BMP6: variants seen among roughly 807,000 people sequenced by gnomAD.
BMP6 encodes VG-1-R.
A neutral mutation model predicts 54.1 loss-of-function variants in BMP6; 17 were observed. That is an observed-to-expected ratio of 0.31 (90% CI 0.22 to 0.47). BMP6 has a LOEUF of 0.47. BMP6 is among the 20% of genes least tolerant of loss of function. BMP6 has a pLI of 1.00. For synonymous variants in BMP6, 328 were observed against 291.2 expected, an observed-to-expected ratio of 1.13 and a Z score of -1.28; for missense variants, 720 against 690.4, an observed-to-expected ratio of 1.04 and a Z score of -0.48.
intron 4 of BMP6, among the ~76,000 whole-genome samples, chr6:7,872,814 C>CTTTTT (rs55666956): frequency 7.5e-6 from 1 of 133,838 alleles, no homozygotes. Flanking sequence ...CTTTTTTTTT[C>CTTTTT]TTTTTTTTTT....
chr6:7,870,957 TC>T (rs1759515138), intron 4 of BMP6, among the ~76,000 whole-genome samples: 1 of 152,180 alleles, frequency 6.6e-6, no homozygotes, highest in African/African-American at 2.4e-5. Flanking sequence ...TTCATCTCCA[TC>T]CCCGAAGGGA....
At position 7,845,192 on chromosome 6, in the gene BMP6, G is replaced by A. The variant is rs753717170; in HGVS notation, c.717G>A (p.Lys239=). 1.5e-5 allele frequency: 25 copies of A among 1,614,090 alleles called. No individual in the cohort carries two copies. The highest frequency in any genetic ancestry group is 1.9e-5 in the Non-Finnish European group (22 of 1,180,028). ...GTCAGCGACACCACAAAGAGTTCAA[G>A]TTCAACTTATCCCAGATTCCTGAGG... The part of the protein sequence containing the change: ...SPRQRHHKEF[K]FNLSQIPEGE... The change falls in exon 2 of 7, where the codon AAG becomes AAA. Residue 239 remains lysine, a synonymous_variant. Coordinates refer to ENST00000283147, the MANE Select transcript of BMP6 (RefSeq NM_001718.6).
intron 1 of BMP6, among the ~76,000 whole-genome samples, chr6:7,844,301 A>G (rs1759023068): frequency 6.6e-6 from 1 of 151,222 alleles, no homozygotes; most frequent in South Asian, 2.1e-4. Flanking sequence ...CAATAGGTTG[A>G]TTCCATATTA....
At chr6:7,793,626 CAG>C (rs1020129100) in intron 1 of BMP6, among the ~76,000 whole-genome samples, 8 of 152,228 alleles carry the variant, frequency 5.3e-5, no homozygotes, top group South Asian at 2.1e-4. Flanking sequence ...GGGAGGCAGA[CAG>C]GGGGCATATG....
At chr6:7,743,581 C>G (rs957888502) in intron 1 of BMP6, among the ~76,000 whole-genome samples, 1 of 152,200 alleles carries the variant, frequency 6.6e-6, no homozygotes, top group African/African-American at 2.4e-5. Flanking sequence ...TGCATGCTCT[C>G]CCTCCCTCTC....
At chr6:7,767,541 A>G (rs1048730757) in intron 1 of BMP6, among the ~76,000 whole-genome samples, 1 of 152,200 alleles carries the variant, frequency 6.6e-6, no homozygotes, top group Non-Finnish European at 1.5e-5. Context: ...CGAGCTTCTC[A>G]GGAAACCTAG....
intron 1 of BMP6, among the ~76,000 whole-genome samples, chr6:7,752,123 C>T (rs1045745657): frequency 1.3e-5 from 2 of 152,212 alleles, no homozygotes; most frequent in African/African-American, 2.4e-5. Context: ...GGAGTTGGAA[C>T]ATTTTTCTTA....
In BMP6 at chr6:7,727,386, C is replaced by T. The variant is rs767205863; in HGVS notation, c.431C>T (p.Ser144Phe). 17 of 1,608,260 alleles carry T rather than the reference C, an allele frequency of 1.1e-5. No homozygotes were observed. The highest frequency in any genetic ancestry group is 2.2e-5 in the South Asian group (2 of 90,532). Residue 144 changes from serine (S) to phenylalanine (F), a missense_variant, in exon 1 of 7, where the codon TCC (serine) becomes TTC (phenylalanine). By Grantham distance (155) the Ser-to-Phe change is radical. This residue lies in a region of BMP6 where 650 missense variants were observed against 556.3 expected (regional missense o/e 1.17). Transcript: ENST00000283147. ...LFMLDLYNALSADNDEDGASE... is the reference protein window; with the variant it reads ...LFMLDLYNALFADNDEDGASE... Reference sequence around the variant, plus strand: ...ATGCTGGATCTGTACAACGCCCTGTCCGCCGACAACGACGAGGACGGGGCG... The same window carrying T: ...ATGCTGGATCTGTACAACGCCCTGTTCGCCGACAACGACGAGGACGGGGCG...
intron 1 of BMP6, among the ~76,000 whole-genome samples, chr6:7,823,216 C>T (rs1266057669): frequency 1.3e-5 from 2 of 152,148 alleles, no homozygotes; most frequent in African/African-American, 2.4e-5. Context: ...GTGGACTCTG[C>T]TTTGTTCCAA....
intron 3 of BMP6, 152 bp downstream of exon 3, chr6:7,861,751 C>T: frequency 8.3e-7 from 1 of 1,201,164 alleles, no homozygotes; most frequent in South Asian, 1.5e-5. Context: ...GCATTGAGAA[C>T]CAAAACCTTT....
Position 7,727,096 on chromosome 6 carries a change from C to T in BMP6, c.141C>T (p.Gly47=), listed in dbSNP as rs1214830452. 1 of 1,363,570 alleles carries T rather than the reference C, an allele frequency of 7.3e-7. No homozygotes were observed. Among genetic ancestry groups the T allele is most frequent in the East Asian group, 3.1e-5 (1 of 32,410 alleles). The allele number at this position is 1,363,570 out of a possible 1,614,324, so 84.5% of individuals were successfully genotyped here. A position where few individuals can be genotyped will look rare whatever the true frequency, so the allele number is the denominator to read the frequency against. The change falls in exon 1 of 7, where the codon GGC becomes GGT. Residue 47 remains glycine (G), a synonymous_variant. Transcript: ENST00000283147. The part of the protein sequence containing the change: ...AAAGGQLLGD[G]GSPGRTEQPP... ...CCGGGGGGCAGCTGCTGGGGGACGG[C>T]GGGAGCCCCGGCCGCACGGAGCAGC...
At chr6:7,758,470 G>T (rs892261552) in intron 1 of BMP6, among the ~76,000 whole-genome samples, 6 of 152,174 alleles carry the variant, frequency 3.9e-5, no homozygotes. Context: ...GGTCCTTGCA[G>T]GACCTGACTA....
intron 1 of BMP6, among the ~76,000 whole-genome samples, chr6:7,766,547 G>T (rs559968751): frequency 6.6e-6 from 1 of 152,212 alleles, no homozygotes; most frequent in African/African-American, 2.4e-5. Context: ...GAACCTGGAA[G>T]ATCAAGGCTG....
At chr6:7,771,595 T>C (rs1561766872) in intron 1 of BMP6, among the ~76,000 whole-genome samples, 1 of 152,216 alleles carries the variant, frequency 6.6e-6, no homozygotes, top group Non-Finnish European at 1.5e-5. Flanking sequence ...CCCAGGCATA[T>C]TGACCCCACA....
intron 2 of BMP6, among the ~76,000 whole-genome samples, chr6:7,856,910 C>T (rs1170046027): frequency 6.6e-6 from 1 of 152,154 alleles, no homozygotes; most frequent in African/African-American, 2.4e-5. Context: ...GAGCATTTTT[C>T]TATCAAAATG....
At chr6:7,823,069 GTGTTATATTC>G (rs1758640520) in intron 1 of BMP6, among the ~76,000 whole-genome samples, 1 of 152,142 alleles carries the variant, frequency 6.6e-6, no homozygotes, top group Admixed American at 6.5e-5. Context: ...AAGATTTTCT[GTGTTATATTC>G]TCCCAGATCC....
intron 1 of BMP6, among the ~76,000 whole-genome samples, chr6:7,737,863 G>A (rs1761977823): frequency 6.6e-6 from 1 of 152,098 alleles, no homozygotes; most frequent in Non-Finnish European, 1.5e-5. Context: ...GCTGGAAGAT[G>A]CTTATGATCG....
intron 4 of BMP6, among the ~76,000 whole-genome samples, chr6:7,864,818 A>T (rs147140330): frequency 6.6e-6 from 1 of 152,312 alleles, no homozygotes; most frequent in African/African-American, 2.4e-5. Context: ...AAAAGAGAAG[A>T]AATGCTTGCT....
At chr6:7,864,679 T>C (rs977657873) in intron 4 of BMP6, among the ~76,000 whole-genome samples, 1 of 152,198 alleles carries the variant, frequency 6.6e-6, no homozygotes, top group Non-Finnish European at 1.5e-5. Flanking sequence ...GATGTGGAGC[T>C]TGAGGATCCA....
Sources: gnomAD v4.1 joint callset for allele counts (sites outside exome capture counted in the v4.1 genomes callset) on GRCh38, gnomAD v4.1.1 for gene constraint, gnomAD v4.1.1 regional missense constraint, MANE v1.5 for transcripts, NCBI Gene and HGNC (gene_info 2026-07-23, HGNC 2026-07-21) for gene names.